The following TLK2 variants were observed in gnomAD, a reference collection of about 807,000 sequenced individuals.
The protein encoded by TLK2 is tousled like kinase 2, also known as serine/threonine-protein kinase tousled-like 2.
A neutral mutation model predicts 117.3 loss-of-function variants in TLK2; 6 were observed. The observed-to-expected ratio is 0.05, with a 90% CI of 0.03 to 0.10. TLK2 has a LOEUF of 0.10. Ranked by LOEUF, TLK2 falls within the 10% of genes least tolerant of loss-of-function variation. The pLI, the probability that TLK2 is intolerant of heterozygous loss-of-function variation, is 1.00. For missense variants in TLK2, 299 were observed against 901.2 expected (o/e 0.33, Z 8.56); for synonymous variants, 257 against 316.7 (o/e 0.81, Z 2.00).
rs568734855 is a variant in TLK2, at chr17:62,493,805, T to A, written c.81+12599T>A. On this transcript the variant is annotated intron_variant, in intron 2 of 21. Coordinates refer to ENST00000346027, the MANE Select transcript of TLK2 (RefSeq NM_006852.6). ...TGGAGTCTTGCTCTGTCACCCAGGC[T>A]GGAGTGCAATGGCACAACCTTGGCT... is the stretch of plus-strand genomic sequence containing the variant. Among the ~76,000 whole-genome samples the A allele has an allele frequency of 2.6e-5, 4 of 152,264 alleles. No individual in the cohort carries two copies. In the South Asian group the frequency reaches 8.3e-4, roughly 32 times the overall value.
chr17:62,506,288 G>A (rs2074685285), intron 2 of TLK2, among the ~76,000 whole-genome samples: 1 of 152,186 alleles, frequency 6.6e-6, no homozygotes, highest in Non-Finnish European at 1.5e-5. Flanking sequence ...GTGTGTGTAT[G>A]TAGGAGGTAG....
In TLK2 at chr17:62,573,386, T is replaced by G. The variant is rs750913195; in HGVS notation, c.1121+19T>G. ...ATGAAACGTATGTTCTTTATTGACG[T>G]GAACGCTGAGACACCACACCCTGCC... On this transcript the variant is annotated intron_variant, in intron 12 of 21. Coordinates refer to ENST00000346027, the MANE Select transcript of TLK2 (RefSeq NM_006852.6). 6 of 1,612,456 alleles carry G rather than the reference T, an allele frequency of 3.7e-6. No individual in the cohort carries two copies. The East Asian group carries it at 1.1e-4, about 30-fold the overall frequency.
chr17:62,544,611 C>G (rs1001763137), intron 7 of TLK2, among the ~76,000 whole-genome samples: 1 of 152,188 alleles, frequency 6.6e-6, no homozygotes, highest in African/African-American at 2.4e-5. Context: ...ATAACTGTAG[C>G]TTTGTAATAA....
At chr17:62,604,129 C>T (rs1245325908) in intron 19 of TLK2, among the ~76,000 whole-genome samples, 1 of 151,944 alleles carries the variant, frequency 6.6e-6, no homozygotes, top group Non-Finnish European at 1.5e-5. Flanking sequence ...CTCAGCCTCT[C>T]AAGTAGCTGG....
At chr17:62,598,969 G>A (rs1256570021) in intron 17 of TLK2, among the ~76,000 whole-genome samples, 1 of 151,782 alleles carries the variant, frequency 6.6e-6, no homozygotes, top group African/African-American at 2.4e-5. Context: ...TATTTGAGAT[G>A]GAGTCTTGCT....
chr17:62,511,485 C>T lies in TLK2; in HGVS notation c.82-9288C>T, dbSNP rs141717240. Among the ~76,000 whole-genome samples the T allele has an allele frequency of 8.1e-3, 1,232 of 152,312 alleles. 25 individuals carry two copies. The highest frequency in any genetic ancestry group is 0.027 in the African/African-American group (1,131 of 41,560). On this transcript the variant is annotated intron_variant, in intron 2 of 21. Coordinates refer to ENST00000346027, the MANE Select transcript of TLK2 (RefSeq NM_006852.6). ...TCCTGGGTTCAAGTGATCCTCCCAT[C>T]TCAGCCTCCAGAGTAGCTGGGACTA...
chr17:62,606,542 A>G (rs574345606), intron 20 of TLK2, among the ~76,000 whole-genome samples: 1 of 152,296 alleles, frequency 6.6e-6, no homozygotes, highest in East Asian at 1.9e-4. Context: ...GATTTACAAA[A>G]ATCGTTTATT....
intron 11 of TLK2, among the ~76,000 whole-genome samples, chr17:62,568,405 C>G (rs1229420780): frequency 3.7e-5 from 5 of 135,608 alleles, no homozygotes; most frequent in Non-Finnish European, 6.1e-5. Context: ...GCACTCCAGG[C>G]TGGGTGACAG....
Position 62,611,062 on chromosome 17 carries a change from C to T in TLK2, c.2080-1330C>T, listed in dbSNP as rs553470305. Among the ~76,000 whole-genome samples, 3 of 152,188 alleles carry T rather than the reference C, an allele frequency of 2.0e-5. No homozygotes were observed. In the South Asian group the frequency reaches 6.2e-4, roughly 32 times the overall value. ...GCTGAGGTAGAGGATCACTTGAGCC[C>T]AGGAGTTTGAGAGTACAATGAGCTA... On this transcript the variant is annotated intron_variant, in intron 21 of 21. Transcript: ENST00000346027.
At chr17:62,485,396 C>T (rs2072220054) in intron 2 of TLK2, among the ~76,000 whole-genome samples, 1 of 152,158 alleles carries the variant, frequency 6.6e-6, no homozygotes, top group African/African-American at 2.4e-5. Context: ...ATATACACTC[C>T]ATTACTTAGA....
intron 2 of TLK2, among the ~76,000 whole-genome samples, chr17:62,511,193 T>A (rs181469233): frequency 2.4e-4 from 36 of 152,332 alleles, no homozygotes; most frequent in Non-Finnish European, 8.8e-5. Flanking sequence ...CATGTGTAGC[T>A]TGTAACCACT....
At chr17:62,552,176 T>C in intron 7 of TLK2, 126 bp from the exon 8 acceptor site, 1 of 861,242 alleles carries the variant, frequency 1.2e-6, no homozygotes. Context: ...GGCCCTGACT[T>C]CTCACTTTCA....
At chr17:62,492,721 A>G (rs1598178644) in intron 2 of TLK2, among the ~76,000 whole-genome samples, 1 of 152,032 alleles carries the variant, frequency 6.6e-6, no homozygotes, top group East Asian at 1.9e-4. Flanking sequence ...GGCCTCCCAA[A>G]ATGCTGGGAT....
rs1336391459 is a variant in TLK2 at position 62,612,513 on chromosome 17, G to C, written c.2201G>C (p.Gly734Ala). The stretch of plus-strand genomic sequence containing the variant: ...TCAGTCTCTACAAGTAGCCCTGCTG[G>C]AGCTGCTATTGCATCAACCTCTGGG... ...RKSVSTSSPA[G>A]AAIASTSGAS... Residue 734 changes from glycine to alanine, a missense_variant, in exon 22 of 22, where the codon GGA (glycine) becomes GCA (alanine). Around this residue, in one of 4 missense-constraint regions of TLK2, gnomAD observed 19 missense variants for 29.2 expected, o/e 0.65. Transcript: ENST00000346027. 5 of 1,614,036 alleles carry C rather than the reference G, an allele frequency of 3.1e-6. No individual in the cohort carries two copies. Among genetic ancestry groups the C allele is most frequent in the Admixed American group, 3.3e-5 (2 of 59,996 alleles).
chr17:62,581,203 A>G (rs1265701138), intron 15 of TLK2, among the ~76,000 whole-genome samples: 1 of 152,058 alleles, frequency 6.6e-6, no homozygotes, highest in Non-Finnish European at 1.5e-5. Context: ...GGGTCTTGCT[A>G]CATTGCCCAG....
chr17:62,570,659 T>C (rs2080214075), intron 11 of TLK2, among the ~76,000 whole-genome samples: 1 of 152,220 alleles, frequency 6.6e-6, no homozygotes, highest in Admixed American at 6.5e-5. Flanking sequence ...CATTGATCTT[T>C]GGTGCATCAG....
intron 2 of TLK2, among the ~76,000 whole-genome samples, chr17:62,503,414 A>G (rs1317287883): frequency 8.9e-6 from 1 of 111,814 alleles, no homozygotes; most frequent in Non-Finnish European, 1.7e-5. Context: ...TTTAGTTATA[A>G]CTTTTTTTTT....
Position 62,615,000 on chromosome 17 carries a change from C to T in TLK2, c.*2435C>T, listed in dbSNP as rs1041790367. 6.6e-6 allele frequency: 1 copy of T among 152,082 alleles called. No homozygotes were observed. The highest frequency in any genetic ancestry group is 1.5e-5 in the Non-Finnish European group (1 of 68,018). The allele number at this position is 152,082 out of a possible 1,614,324, so 9.4% of individuals were successfully genotyped here. Reference sequence around the variant, plus strand: ...TTTTTTTAACGTTGAAAAAATGCTGCGTCTTTCTTTAAGCCTTCCCAGTAA... The same window carrying T: ...TTTTTTTAACGTTGAAAAAATGCTGTGTCTTTCTTTAAGCCTTCCCAGTAA... On this transcript the variant is annotated 3_prime_UTR_variant, in exon 22 of 22. Transcript: ENST00000346027.
intron 2 of TLK2, among the ~76,000 whole-genome samples, chr17:62,497,501 CTT>C (rs1476152989): frequency 6.6e-6 from 1 of 152,180 alleles, no homozygotes; most frequent in East Asian, 1.9e-4. Flanking sequence ...TCCTCCCACT[CTT>C]GAGACCATGT....
Sources: allele counts gnomAD v4.1 joint callset (sites outside exome capture counted in the v4.1 genomes callset), GRCh38; gene constraint gnomAD v4.1.1; regional missense constraint gnomAD v4.1.1; transcripts MANE v1.5; gene names NCBI Gene and HGNC (gene_info 2026-07-23, HGNC 2026-07-21).